SMTNL2: variants seen among roughly 807,000 people sequenced by gnomAD.
SMTNL2 encodes smoothelin like 2, also known as smoothelin-like protein 2.
Under a neutral mutation model 44.1 loss-of-function variants are expected in SMTNL2, and 43 were observed. That is an observed-to-expected ratio of 0.98 (90% CI 0.76 to 1.26). The LOEUF (loss-of-function observed/expected upper bound fraction) is 1.26. SMTNL2 is among the 50% of genes most tolerant of loss of function. SMTNL2 has a pLI of 0.00. For missense variants in SMTNL2, 646 were observed against 670.2 expected (o/e 0.96, Z 0.40); for synonymous variants, 317 against 287.6 (o/e 1.10, Z -1.03).
intron 7 of SMTNL2, among the ~76,000 whole-genome samples, chr17:4,602,356 CT>C (rs1910081930): frequency 1.1e-5 from 1 of 87,292 alleles, no homozygotes; most frequent in African/African-American, 4.5e-5. Context: ...GAGTTTCGTT[CT>C]TGTTGCCCAG....
intron 4 of SMTNL2, among the ~76,000 whole-genome samples, chr17:4,594,487 A>ATAAATAAC (rs60470555): frequency 6.6e-6 from 1 of 151,832 alleles, no homozygotes; most frequent in Admixed American, 6.6e-5. Context: ...AAATGAATAA[A>ATAAATAAC]AAACAAAAAA....
rs112342387 is a variant in SMTNL2 at position 4,607,466 on chromosome 17, C to G, written c.1365C>G (p.Asn455Lys). ...CVFTYVQSLYNHLRRFE is the reference protein window; with the variant it reads ...CVFTYVQSLYKHLRRFE ...TCACCTACGTCCAGTCGCTGTACAA[C>G]CACCTGCGTCGCTTCGAGTAAAGCC... The change falls in exon 8 of 8, where the codon AAC becomes AAG. Residue 455 changes from asparagine to lysine, a missense_variant. By Grantham distance (94) the Asn-to-Lys change is moderately conservative (BLOSUM62 0). Transcript: ENST00000389313. The surrounding 1 kb of genome is among the most constrained non-coding windows in gnomAD (Gnocchi z 4.7). 1 of 1,614,194 alleles carries G rather than the reference C, an allele frequency of 6.2e-7. No individual in the cohort carries two copies. Among genetic ancestry groups the G allele is most frequent in the East Asian group, 2.2e-5 (1 of 44,882 alleles).
intron 1 of SMTNL2, among the ~76,000 whole-genome samples, chr17:4,587,812 G>A (rs1371508192): frequency 6.6e-6 from 1 of 152,254 alleles, no homozygotes; most frequent in Non-Finnish European, 1.5e-5. Flanking sequence ...GGTTGATCAA[G>A]TAATCCTGTC....
intron 1 of SMTNL2, among the ~76,000 whole-genome samples, chr17:4,590,167 A>G (rs1909515335): frequency 6.6e-6 from 1 of 151,652 alleles, no homozygotes; most frequent in East Asian, 1.9e-4. Context: ...GGGTTTCACC[A>G]CGTTGGCCAG....
chr17:4,589,492 G>A (rs1369978991), intron 1 of SMTNL2, among the ~76,000 whole-genome samples: 1 of 152,116 alleles, frequency 6.6e-6, no homozygotes. Context: ...TCTGCGTGCT[G>A]GGAGACGCCC....
At chr17:4,586,403 G>A (rs1311872298) in intron 1 of SMTNL2, among the ~76,000 whole-genome samples, 1 of 152,086 alleles carries the variant, frequency 6.6e-6, no homozygotes, top group Admixed American at 6.6e-5. Flanking sequence ...TGTTTCTGAG[G>A]TTTTATTTGA....
intron 1 of SMTNL2, 48 bp downstream of exon 1, chr17:4,585,052 A>G: frequency 7.7e-7 from 1 of 1,292,148 alleles, no homozygotes; most frequent in Non-Finnish European, 9.8e-7. Context: ...TGGGGCTCCG[A>G]ACCGGGTGCC....
chr17:4,588,532 G>A (rs1024381728), intron 1 of SMTNL2, among the ~76,000 whole-genome samples: 6 of 152,172 alleles, frequency 3.9e-5, no homozygotes, highest in Non-Finnish European at 5.9e-5. Context: ...GTTTCCTTCC[G>A]CATGACGGCG....
intron 7 of SMTNL2, among the ~76,000 whole-genome samples, chr17:4,602,362 G>A (rs1211001450): frequency 9.1e-6 from 1 of 109,312 alleles, no homozygotes; most frequent in East Asian, 2.9e-4. Flanking sequence ...CGTTCTTGTT[G>A]CCCAGGCTGG....
At chr17:4,597,804 T>G (rs1909878370) in intron 7 of SMTNL2, among the ~76,000 whole-genome samples, 2 of 152,248 alleles carry the variant, frequency 1.3e-5, no homozygotes, top group Non-Finnish European at 2.9e-5. Flanking sequence ...AATGGTGTTC[T>G]GGCATTTATT....
chr17:4,591,626 G>A (rs1012158661), intron 1 of SMTNL2, among the ~76,000 whole-genome samples: 4 of 152,266 alleles, frequency 2.6e-5, no homozygotes, highest in East Asian at 1.9e-4. Context: ...GGTAGATGCC[G>A]AGTGGCACTT....
At position 4,593,908 on chromosome 17, in the gene SMTNL2, G is replaced by A. The variant is rs1166189874; in HGVS notation, c.806+11G>A. ...CAAACACAGCAATAGGTGAGTCAGGGCCTGTGTTCCTGTGGGGTCGCTGCG... is the reference window on the plus strand; with the variant it reads ...CAAACACAGCAATAGGTGAGTCAGGACCTGTGTTCCTGTGGGGTCGCTGCG... On this transcript the variant is annotated intron_variant, in intron 4 of 7. Coordinates refer to ENST00000389313, the MANE Select transcript of SMTNL2 (RefSeq NM_001114974.2). 1.1e-5 allele frequency: 18 copies of A among 1,613,882 alleles called. No homozygotes were observed. Among genetic ancestry groups the A allele is most frequent in the Non-Finnish European group, 1.5e-5 (18 of 1,179,884 alleles).
intron 1 of SMTNL2, among the ~76,000 whole-genome samples, chr17:4,586,038 G>A (rs1327123694): frequency 6.6e-6 from 1 of 152,184 alleles, no homozygotes; most frequent in African/African-American, 2.4e-5. Flanking sequence ...GCTTTGTGCT[G>A]GGGGCCTGGG....
chr17:4,604,558 C>G (rs781544669), intron 7 of SMTNL2, among the ~76,000 whole-genome samples: 1 of 152,146 alleles, frequency 6.6e-6, no homozygotes, highest in South Asian at 2.1e-4. Flanking sequence ...CTTGCTCGCT[C>G]GCTGGGGTCT....
chr17:4,584,894 C>A lies in SMTNL2; in HGVS notation c.289C>A (p.Pro97Thr). 2 of 1,295,748 alleles carry A rather than the reference C, an allele frequency of 1.5e-6. No homozygotes were observed. Among genetic ancestry groups the A allele is most frequent in the Non-Finnish European group, 1.9e-6 (2 of 1,026,138 alleles). The allele number at this position is 1,295,748 out of a possible 1,614,324, so 80.3% of individuals were successfully genotyped here. The change falls in exon 1 of 8, where the codon CCC becomes ACC. Residue 97 changes from proline to threonine, a missense_variant. Coordinates refer to ENST00000389313, the MANE Select transcript of SMTNL2 (RefSeq NM_001114974.2). Reference sequence around the variant, plus strand: ...CGGGATGTCCCCGGTGCCCGGCACTCCCGGCACGCCCAGCCCCCCGCCCGC... The same window carrying A: ...CGGGATGTCCCCGGTGCCCGGCACTACCGGCACGCCCAGCCCCCCGCCCGC... The part of the protein sequence containing the change: ...ASGMSPVPGT[P>T]GTPSPPPAPG...
Position 4,607,229 on chromosome 17 carries a change from C to T in SMTNL2, c.1260-132C>T, listed in dbSNP as rs1369623428. 18 of 1,412,626 alleles carry T rather than the reference C, an allele frequency of 1.3e-5. No homozygotes were observed. The highest frequency in any genetic ancestry group is 6.9e-5 in the East Asian group (3 of 43,502). 87.5% of individuals were successfully genotyped at this position (1,412,626 alleles called of 1,614,324 possible). A position where few individuals can be genotyped will look rare whatever the true frequency, so the allele number is the denominator to read the frequency against. On this transcript the variant is annotated intron_variant, in intron 7 of 7. Transcript: ENST00000389313. The surrounding 1 kb of genome is among the most constrained non-coding windows in gnomAD (Gnocchi z 4.7). Reference sequence around the variant, plus strand: ...TTCTGCCAGGGTTATCTGAATTCCCCGCTGGTGGGTCCTTGGGAACCTCTG... The same window carrying T: ...TTCTGCCAGGGTTATCTGAATTCCCTGCTGGTGGGTCCTTGGGAACCTCTG...
intron 1 of SMTNL2, among the ~76,000 whole-genome samples, chr17:4,587,058 G>C (rs538137605): frequency 6.6e-6 from 1 of 152,180 alleles, no homozygotes; most frequent in Non-Finnish European, 1.5e-5. Flanking sequence ...AACCAGACCG[G>C]GGAACTGCCA....
chr17:4,594,505 A>C (rs1392416389), intron 4 of SMTNL2, among the ~76,000 whole-genome samples: 1 of 152,054 alleles, frequency 6.6e-6, no homozygotes, highest in East Asian at 1.9e-4. Flanking sequence ...AAAATATTGG[A>C]GGAGGCCTCT....
At chr17:4,589,619 T>A (rs12940657) in intron 1 of SMTNL2, among the ~76,000 whole-genome samples, 2 of 152,028 alleles carry the variant, frequency 1.3e-5, no homozygotes, top group East Asian at 3.9e-4. Context: ...CTGGGTCCTG[T>A]CTGCTGTGAG....
Sources: gnomAD v4.1 joint callset for allele counts (sites outside exome capture counted in the v4.1 genomes callset) on GRCh38, gnomAD v4.1.1 for gene constraint, Gnocchi (gnomAD v3.1) non-coding constraint, MANE v1.5 for transcripts, NCBI Gene and HGNC (gene_info 2026-07-23, HGNC 2026-07-21) for gene names.